Variants in BRINP3 observed in about 807,000 individuals in gnomAD.
The protein encoded by BRINP3 is BMP/retinoic acid-inducible neural-specific protein 3.
BRINP3 carries 19 observed loss-of-function variants against 71.0 expected under a neutral mutation model. The observed-to-expected ratio is 0.27, with a 90% CI of 0.19 to 0.39. The LOEUF (loss-of-function observed/expected upper bound fraction) is 0.39, where lower values mean the gene tolerates loss of function less well. Ranked by LOEUF, BRINP3 falls within the 10% of genes least tolerant of loss-of-function variation. The pLI is 1.00. For synonymous variants in BRINP3, 380 were observed against 337.7 expected, an observed-to-expected ratio of 1.13 and a Z score of -1.37; for missense variants, 959 against 940.8, an observed-to-expected ratio of 1.02 and a Z score of -0.25.
chr1:190,237,198 A>G (rs958385033), intron 4 of BRINP3, among the ~76,000 whole-genome samples: 8 of 151,834 alleles, frequency 5.3e-5, no homozygotes, highest in Non-Finnish European at 1.2e-4. Flanking sequence ...TCATATTTAT[A>G]ATTTTATTTT....
intron 7 of BRINP3, among the ~76,000 whole-genome samples, chr1:190,154,368 C>T (rs1656680496): frequency 6.6e-6 from 1 of 152,080 alleles, no homozygotes; most frequent in Non-Finnish European, 1.5e-5. Context: ...CATTCTCTAT[C>T]CTAAAGAGTG....
intron 3 of BRINP3, among the ~76,000 whole-genome samples, chr1:190,272,904 C>T (rs1008471322): frequency 6.6e-6 from 1 of 151,440 alleles, no homozygotes; most frequent in Non-Finnish European, 1.5e-5. Flanking sequence ...CCCTTACTTA[C>T]AACAGAGCAC....
At chr1:190,148,121 A>G (rs1466220067) in intron 7 of BRINP3, among the ~76,000 whole-genome samples, 1 of 152,174 alleles carries the variant, frequency 6.6e-6, no homozygotes, top group East Asian at 1.9e-4. Context: ...ATTACATAAT[A>G]CAATTCTATT....
rs189394952 is a variant in BRINP3 at position 190,431,962 on chromosome 1, C to T, written c.236+22693G>A. On this transcript the variant is annotated intron_variant, in intron 2 of 7. Coordinates refer to ENST00000367462, the MANE Select transcript of BRINP3 (RefSeq NM_199051.3). ...TTCTAAACTTACGACCTCTAATGTA[C>T]ATTTATTTCACTCCAAAATAAGAAC... is the stretch of plus-strand genomic sequence containing the variant. 3.4e-4 allele frequency among the ~76,000 whole-genome samples: 52 copies of T among 152,146 alleles called. No individual in the cohort carries two copies. The East Asian group carries it at 6.4e-3, about 19-fold the overall frequency.
intron 6 of BRINP3, among the ~76,000 whole-genome samples, chr1:190,215,392 T>C (rs902309669): frequency 6.6e-6 from 1 of 151,916 alleles, no homozygotes; most frequent in Non-Finnish European, 1.5e-5. Flanking sequence ...GCAGATTTTA[T>C]TAAAGATTAT....
At chr1:190,360,378 A>T (rs1017058830) in intron 2 of BRINP3, among the ~76,000 whole-genome samples, 4 of 152,174 alleles carry the variant, frequency 2.6e-5, no homozygotes, top group Non-Finnish European at 5.9e-5. Context: ...ACAAATTGTG[A>T]TATATGTCTC....
chr1:190,286,612 A>G (rs2102952041), intron 2 of BRINP3, among the ~76,000 whole-genome samples: 1 of 152,286 alleles, frequency 6.6e-6, no homozygotes, highest in Admixed American at 6.5e-5. Flanking sequence ...CCATTAAATG[A>G]AGTTGTCTAA....
At chr1:190,239,791 G>A (rs1658878435) in intron 4 of BRINP3, among the ~76,000 whole-genome samples, 1 of 151,918 alleles carries the variant, frequency 6.6e-6, no homozygotes, top group Admixed American at 6.6e-5. Flanking sequence ...CCATGCATAT[G>A]TAATAAAATG....
At chr1:190,402,198 C>A (rs775357506) in intron 2 of BRINP3, among the ~76,000 whole-genome samples, 56 of 151,956 alleles carry the variant, frequency 3.7e-4, no homozygotes, top group African/African-American at 1.3e-3. Flanking sequence ...GTTTAATTTG[C>A]CTGCTATTTT....
At chr1:190,225,903 C>T (rs1047497215) in intron 6 of BRINP3, among the ~76,000 whole-genome samples, 179 bp downstream of exon 6, 1 of 151,764 alleles carries the variant, frequency 6.6e-6, no homozygotes, top group Non-Finnish European at 1.5e-5. Flanking sequence ...TAGTACATAG[C>T]AATACACAAA....
intron 4 of BRINP3, among the ~76,000 whole-genome samples, chr1:190,245,294 A>G (rs939435669): frequency 1.1e-4 from 16 of 151,846 alleles, no homozygotes; most frequent in Admixed American, 6.6e-4. Flanking sequence ...AAAAAAGTTA[A>G]TACAAATCCA....
intron 2 of BRINP3, among the ~76,000 whole-genome samples, chr1:190,408,712 A>G (rs1406162962): frequency 6.6e-6 from 1 of 152,204 alleles, no homozygotes; most frequent in East Asian, 1.9e-4. Flanking sequence ...TTCAACTGAG[A>G]ACAATTTTGC....
At chr1:190,108,157 A>T (rs1357825653) in intron 7 of BRINP3, among the ~76,000 whole-genome samples, 5 of 152,104 alleles carry the variant, frequency 3.3e-5, no homozygotes, top group African/African-American at 1.2e-4. Context: ...AACTTCATCG[A>T]TCAAAAATGT....
intron 2 of BRINP3, among the ~76,000 whole-genome samples, chr1:190,373,644 C>T (rs1372198353): frequency 6.6e-6 from 1 of 151,712 alleles, no homozygotes; most frequent in African/African-American, 2.4e-5. Flanking sequence ...ATTCAAAGAA[C>T]ATCCACAGCA....
Position 190,098,593 on chromosome 1 carries a change from A to G in BRINP3, c.1726T>C (p.Phe576Leu). Residue 576 changes from phenylalanine to leucine, a missense_variant, in exon 8 of 8, where the codon TTC becomes CTC. Physicochemically the swap from Phe to Leu is conservative, Grantham distance 22. Transcript: ENST00000367462. ...CAGCTCTCAGAGTGGCTGCCTCCGA[A>G]GGGATTGACATAAACAGCCAACACT... ...EPVLAVYVNP[F>L]GGSHSESWFM... 1 of 1,614,156 alleles carries G rather than the reference A, an allele frequency of 6.2e-7. No individual in the cohort carries two copies. Among genetic ancestry groups the G allele is most frequent in the Non-Finnish European group, 8.5e-7 (1 of 1,180,030 alleles).
At chr1:190,115,225 C>A (rs898978547) in intron 7 of BRINP3, among the ~76,000 whole-genome samples, 7 of 152,094 alleles carry the variant, frequency 4.6e-5, no homozygotes, top group African/African-American at 1.7e-4. Context: ...CAAATAAGCA[C>A]TCTGTTTAAT....
At chr1:190,150,437 T>C (rs1477030676) in intron 7 of BRINP3, among the ~76,000 whole-genome samples, 2 of 152,190 alleles carry the variant, frequency 1.3e-5, no homozygotes, top group Non-Finnish European at 2.9e-5. Context: ...TAAGTGGTGT[T>C]ACCAAATTAG....
At chr1:190,376,827 A>G (rs1330813038) in intron 2 of BRINP3, among the ~76,000 whole-genome samples, 1 of 152,010 alleles carries the variant, frequency 6.6e-6, no homozygotes, top group Non-Finnish European at 1.5e-5. Flanking sequence ...ATCTTTTTAA[A>G]GGTTAATGTT....
chr1:190,305,508 T>C (rs1665032599), intron 2 of BRINP3, among the ~76,000 whole-genome samples: 1 of 151,660 alleles, frequency 6.6e-6, no homozygotes, highest in South Asian at 2.1e-4. Context: ...GAAACGCATA[T>C]ACTGCATTAT....
Sources: gnomAD v4.1 joint callset for allele counts (sites outside exome capture counted in the v4.1 genomes callset) on GRCh38, gnomAD v4.1.1 for gene constraint, MANE v1.5 for transcripts, NCBI Gene and HGNC (gene_info 2026-07-23, HGNC 2026-07-21) for gene names.